The following EPHB2 variants were observed in gnomAD, a reference collection of about 807,000 sequenced individuals.
The protein encoded by EPHB2 is EPH receptor B2.
Under a neutral mutation model 96.4 loss-of-function variants are expected in EPHB2, and 18 were observed. The ratio of observed to expected loss-of-function variants is 0.19; its 90% CI spans 0.13 to 0.28. The LOEUF is 0.28. Among genes scored for constraint, EPHB2 ranks in the 10% least tolerant of loss-of-function variants. The probability of loss-of-function intolerance (pLI) is 1.00; values close to 1 mark genes in which losing one functional copy is unlikely to be tolerated. For synonymous variants in EPHB2, 506 were observed against 534.1 expected, an observed-to-expected ratio of 0.95 and a Z score of 0.72; for missense variants, 989 against 1,355.4, an observed-to-expected ratio of 0.73 and a Z score of 4.25.
In EPHB2 at chr1:22,790,635, G is replaced by GCAGGAACCCC. The variant is rs1290027381; in HGVS notation, c.811+5562_811+5571dup. Among the ~76,000 whole-genome samples, 2 of 152,196 alleles carry GCAGGAACCCC rather than the reference G, an allele frequency of 1.3e-5. No homozygotes were observed. Among genetic ancestry groups the GCAGGAACCCC allele is most frequent in the Non-Finnish European group, 2.9e-5 (2 of 68,040 alleles). ...CCTCAGTCCCACTTCTGCCTGCCCAGCAGGAACCCCCAACCTAGCCTTCTT... is the reference window on the plus strand; with the variant it reads ...CCTCAGTCCCACTTCTGCCTGCCCAGCAGGAACCCCCAGGAACCCCCAACCTAGCCTTCTT... On this transcript the variant is annotated intron_variant, in intron 3 of 15. Transcript: ENST00000374630. This position sits in a 1 kb window ranked among gnomAD's most constrained non-coding sequence, Gnocchi z 4.0.
intron 3 of EPHB2, among the ~76,000 whole-genome samples, chr1:22,820,182 G>T (rs1033473780): frequency 3.9e-5 from 6 of 152,094 alleles, no homozygotes; most frequent in African/African-American, 1.4e-4. Flanking sequence ...GTAAAGTTGA[G>T]ATTTGAACCC....
intron 9 of EPHB2, among the ~76,000 whole-genome samples, chr1:22,898,983 C>T (rs530718607): frequency 6.6e-6 from 1 of 151,836 alleles, no homozygotes; most frequent in South Asian, 2.1e-4. Context: ...AGGCCAAGGT[C>T]GGGAGTTCAA....
chr1:22,790,768 A>G lies in EPHB2; in HGVS notation c.811+5692A>G, dbSNP rs562447647. Among the ~76,000 whole-genome samples, 4 of 152,288 alleles carry G rather than the reference A, an allele frequency of 2.6e-5. No individual in the cohort carries two copies. The highest frequency in any genetic ancestry group is 6.5e-5 in the Admixed American group (1 of 15,296). On this transcript the variant is annotated intron_variant, in intron 3 of 15. Transcript: ENST00000374630. This position sits in a 1 kb window ranked among gnomAD's most constrained non-coding sequence, Gnocchi z 4.0. ...CTGCGATGCTATCGGACGTAATGGGATTTTTAATATTTAGCTTGGATGGGG... is the reference window on the plus strand; with the variant it reads ...CTGCGATGCTATCGGACGTAATGGGGTTTTTAATATTTAGCTTGGATGGGG...
rs932420833 is a variant in EPHB2 at position 22,858,067 on chromosome 1, C to T, written c.812-4970C>T. ...CTTTAGCCAGGGTGGTCAGGGTGGG[C>T]CTCTCGGAGGAGGTGGCATTTAAGC... On this transcript the variant is annotated intron_variant, in intron 3 of 15. Coordinates refer to ENST00000374630, the MANE Select transcript of EPHB2 (RefSeq NM_017449.5). This position sits in a 1 kb window ranked among gnomAD's most constrained non-coding sequence, Gnocchi z 7.7. Among the ~76,000 whole-genome samples, 8 of 151,994 alleles carry T rather than the reference C, an allele frequency of 5.3e-5. No individual in the cohort carries two copies. The highest frequency in any genetic ancestry group is 1.4e-4 in the African/African-American group (6 of 41,394).
At chr1:22,823,651 G>T (rs1289946295) in intron 3 of EPHB2, among the ~76,000 whole-genome samples, 1 of 152,198 alleles carries the variant, frequency 6.6e-6, no homozygotes, top group Non-Finnish European at 1.5e-5. Context: ...TTAATTAAAT[G>T]AACATTGGAT....
In EPHB2 at chr1:22,826,815, C is replaced by T. The variant is rs534174117; in HGVS notation, c.812-36222C>T. Among the ~76,000 whole-genome samples, 6 of 152,258 alleles carry T rather than the reference C, an allele frequency of 3.9e-5. No individual in the cohort carries two copies. The South Asian group carries it at 6.2e-4, about 16-fold the overall frequency. On this transcript the variant is annotated intron_variant, in intron 3 of 15. Transcript: ENST00000374630. ...TGTCTGGCCCTGAGAAATGCTGTCA[C>T]GCCTGCCTCCCCCAGGACAGCAAGC...
chr1:22,857,496 G>A (rs1645718528), intron 3 of EPHB2, among the ~76,000 whole-genome samples: 1 of 152,112 alleles, frequency 6.6e-6, no homozygotes, highest in African/African-American at 2.4e-5. Context: ...GCAGATGAGA[G>A]AGGTGACAGA....
chr1:22,910,044 C>T (rs2124126377), intron 13 of EPHB2, among the ~76,000 whole-genome samples: 1 of 152,146 alleles, frequency 6.6e-6, no homozygotes, highest in African/African-American at 2.4e-5. Flanking sequence ...TTGGGGTCAT[C>T]CAAGCCAAGA....
At chr1:22,884,372 GGC>G (rs1639154285) in intron 6 of EPHB2, among the ~76,000 whole-genome samples, 1 of 152,158 alleles carries the variant, frequency 6.6e-6, no homozygotes, top group African/African-American at 2.4e-5. Context: ...TGGGCATGGT[GGC>G]GCACACCTGT....
chr1:22,710,893 C>G lies in EPHB2; in HGVS notation c.-90C>G, dbSNP rs919212918. ...GTGTGTGCGCCGCGCCTTGCCGCCC[C>G]CCCTGGCCCCCCGAGCCCGGGGCGC... On this transcript the variant is annotated 5_prime_UTR_variant, in exon 1 of 16. Coordinates refer to ENST00000374630, the MANE Select transcript of EPHB2 (RefSeq NM_017449.5). 29 of 146,254 alleles carry G rather than the reference C, an allele frequency of 2.0e-4. No individual in the cohort carries two copies. In the East Asian group the frequency reaches 2.6e-3, roughly 13 times the overall value. 9.1% of individuals were successfully genotyped at this position (146,254 alleles called of 1,614,324 possible).
Position 22,860,337 on chromosome 1 carries a change from G to A in EPHB2, c.812-2700G>A, listed in dbSNP as rs975551871. ...GAAGACCTAGTAATTGATTGGCTGT[G>A]GGGGGACAGGGTGGAGAGTGATGCC... On this transcript the variant is annotated intron_variant, in intron 3 of 15. Coordinates refer to ENST00000374630, the MANE Select transcript of EPHB2 (RefSeq NM_017449.5). This position sits in a 1 kb window ranked among gnomAD's most constrained non-coding sequence, Gnocchi z 4.6. Among the ~76,000 whole-genome samples, 1 of 152,078 alleles carries A rather than the reference G, an allele frequency of 6.6e-6. No homozygotes were observed. Among genetic ancestry groups the A allele is most frequent in the Non-Finnish European group, 1.5e-5 (1 of 68,014 alleles).
At chr1:22,889,214 G>T (rs1639317530) in intron 6 of EPHB2, among the ~76,000 whole-genome samples, 2 of 152,096 alleles carry the variant, frequency 1.3e-5, no homozygotes, top group South Asian at 4.1e-4. Context: ...CCAATCCCTT[G>T]CCCAGCTTTA....
At chr1:22,715,330 C>A (rs1643264737) in intron 1 of EPHB2, among the ~76,000 whole-genome samples, 1 of 152,112 alleles carries the variant, frequency 6.6e-6, no homozygotes, top group African/African-American at 2.4e-5. Context: ...GGGAGCAGAG[C>A]ATTCAGATGG....
chr1:22,818,374 G>A (rs531287117), intron 3 of EPHB2, among the ~76,000 whole-genome samples: 11 of 151,918 alleles, frequency 7.2e-5, no homozygotes, highest in African/African-American at 9.7e-5. Flanking sequence ...ATGAACCACC[G>A]CCCTGGCTCT....
At chr1:22,822,599 T>A (rs1429761263) in intron 3 of EPHB2, among the ~76,000 whole-genome samples, 1 of 152,210 alleles carries the variant, frequency 6.6e-6, no homozygotes, top group African/African-American at 2.4e-5. Context: ...ATTGTGACCT[T>A]GCCCTGATGG....
At chr1:22,894,345 C>T (rs1639485621) in intron 7 of EPHB2, among the ~76,000 whole-genome samples, 1 of 152,056 alleles carries the variant, frequency 6.6e-6, no homozygotes, top group Non-Finnish European at 1.5e-5. Context: ...CACCTGTAAT[C>T]CCAGCACTAT....
At chr1:22,729,332 A>T (rs1643652946) in intron 1 of EPHB2, among the ~76,000 whole-genome samples, 1 of 152,234 alleles carries the variant, frequency 6.6e-6, no homozygotes, top group South Asian at 2.1e-4. Context: ...ACCCTGGCCC[A>T]TAGCCACACT....
chr1:22,724,333 T>C (rs1643535317), intron 1 of EPHB2, among the ~76,000 whole-genome samples: 1 of 152,230 alleles, frequency 6.6e-6, no homozygotes, highest in Non-Finnish European at 1.5e-5. Context: ...TAACATTTAC[T>C]GATAATTGAC....
At chr1:22,896,267 C>T in intron 8 of EPHB2, 147 bp from the exon 9 acceptor site, 1 of 890,038 alleles carries the variant, frequency 1.1e-6, no homozygotes, top group Non-Finnish European at 1.8e-6. Flanking sequence ...TGGGAAGGGA[C>T]AAGTGGGGCC....
Sources: gnomAD v4.1 joint callset for allele counts (sites outside exome capture counted in the v4.1 genomes callset) on GRCh38, gnomAD v4.1.1 for gene constraint, Gnocchi (gnomAD v3.1) non-coding constraint, MANE v1.5 for transcripts, NCBI Gene and HGNC (gene_info 2026-07-23, HGNC 2026-07-21) for gene names.